Variants in NKAIN3 observed in about 807,000 individuals in gnomAD.
The protein encoded by NKAIN3 is sodium/potassium transporting ATPase interacting 3.
A neutral mutation model predicts 30.2 loss-of-function variants in NKAIN3; 25 were observed. The ratio of observed to expected loss-of-function variants is 0.83; its 90% CI spans 0.60 to 1.16. NKAIN3 has a LOEUF of 1.16. NKAIN3 is among the 50% of genes most tolerant of loss of function. The pLI is 0.00. For synonymous variants in NKAIN3, 91 were observed against 89.6 expected (o/e 1.02, Z -0.09); for missense variants, 225 against 254.1 (o/e 0.89, Z 0.78).
intron 1 of NKAIN3, among the ~76,000 whole-genome samples, chr8:62,275,492 T>C (rs868489470): frequency 6.6e-6 from 1 of 152,236 alleles, no homozygotes; most frequent in African/African-American, 2.4e-5. Context: ...ATGAGCCTAT[T>C]AAGCTGATTG....
intron 1 of NKAIN3, among the ~76,000 whole-genome samples, chr8:62,353,611 G>C (rs1354341755): frequency 2.0e-5 from 3 of 152,122 alleles, no homozygotes; most frequent in Non-Finnish European, 4.4e-5. Flanking sequence ...GGGCATTTTA[G>C]GAAGGCAGTA....
chr8:62,435,690 AAG>A (rs1373984455), intron 1 of NKAIN3, among the ~76,000 whole-genome samples: 1 of 152,204 alleles, frequency 6.6e-6, no homozygotes, highest in Non-Finnish European at 1.5e-5. Flanking sequence ...ATTGTTATCC[AAG>A]ATTATGAAGT....
intron 1 of NKAIN3, among the ~76,000 whole-genome samples, chr8:62,396,540 T>G (rs530288769): frequency 5.3e-5 from 8 of 152,352 alleles, no homozygotes; most frequent in African/African-American, 1.9e-4. Context: ...AAGATACCAA[T>G]GTGTTTATCA....
At chr8:62,909,754 A>C (rs1821880252) in intron 4 of NKAIN3, among the ~76,000 whole-genome samples, 1 of 152,178 alleles carries the variant, frequency 6.6e-6, no homozygotes, top group African/African-American at 2.4e-5. Flanking sequence ...ATAAGGCAAA[A>C]GTAAAAGGAA....
intron 1 of NKAIN3, among the ~76,000 whole-genome samples, chr8:62,470,574 A>G (rs1360929982): frequency 6.6e-6 from 1 of 152,142 alleles, no homozygotes. Flanking sequence ...CATTTTCACA[A>G]ACTCATGGAT....
chr8:62,495,300 G>GA (rs1457508198), intron 1 of NKAIN3, among the ~76,000 whole-genome samples: 2 of 151,844 alleles, frequency 1.3e-5, no homozygotes, highest in Non-Finnish European at 2.9e-5. Context: ...TAAATAGTCA[G>GA]AAAAAATGGT....
intron 3 of NKAIN3, among the ~76,000 whole-genome samples, chr8:62,655,631 G>A (rs1468510543): frequency 6.6e-6 from 1 of 152,114 alleles, no homozygotes; most frequent in Non-Finnish European, 1.5e-5. Context: ...CAACTATGTT[G>A]GTGATAGTCT....
chr8:62,667,138 G>A (rs191498957), intron 3 of NKAIN3, among the ~76,000 whole-genome samples: 2 of 120,948 alleles, frequency 1.7e-5, no homozygotes, highest in African/African-American at 3.1e-5. Context: ...TCACACACTC[G>A]GACCTGTTGT....
chr8:62,764,918 A>G (rs1377094591), intron 4 of NKAIN3, among the ~76,000 whole-genome samples: 1 of 152,172 alleles, frequency 6.6e-6, no homozygotes, highest in East Asian at 1.9e-4. Context: ...GGGGCTTTGG[A>G]AGATTATTCT....
intron 3 of NKAIN3, among the ~76,000 whole-genome samples, chr8:62,691,521 A>G (rs998913241): frequency 1.3e-5 from 2 of 152,200 alleles, no homozygotes; most frequent in Admixed American, 1.3e-4. Flanking sequence ...AATTTTTAAC[A>G]TAACTACAAT....
At chr8:62,261,334 G>A (rs1791334533) in intron 1 of NKAIN3, among the ~76,000 whole-genome samples, 1 of 151,862 alleles carries the variant, frequency 6.6e-6, no homozygotes, top group Non-Finnish European at 1.5e-5. Flanking sequence ...AAGTGTTCAT[G>A]CACATTGCAT....
intron 4 of NKAIN3, among the ~76,000 whole-genome samples, chr8:62,805,185 A>C (rs1032913668): frequency 8.6e-5 from 13 of 151,966 alleles, no homozygotes; most frequent in African/African-American, 3.1e-4. Context: ...TTCCATGCTC[A>C]TGGGTAGGAA....
chr8:62,585,058 G>A (rs1036349460), intron 2 of NKAIN3, among the ~76,000 whole-genome samples: 1 of 152,236 alleles, frequency 6.6e-6, no homozygotes, highest in African/African-American at 2.4e-5. Flanking sequence ...GAATGGACAG[G>A]GACTTTTTTA....
intron 1 of NKAIN3, among the ~76,000 whole-genome samples, chr8:62,562,186 A>T (rs1809605542): frequency 6.6e-6 from 1 of 152,172 alleles, no homozygotes; most frequent in South Asian, 2.1e-4. Flanking sequence ...AACCTTGAAA[A>T]TTAAGAGGCT....
At chr8:62,302,472 G>A (rs548577714) in intron 1 of NKAIN3, among the ~76,000 whole-genome samples, 1 of 152,118 alleles carries the variant, frequency 6.6e-6, no homozygotes, top group South Asian at 2.1e-4. Context: ...TTTGAAAGAT[G>A]TATCAATAAC....
At chr8:62,309,680 A>G (rs1250290157) in intron 1 of NKAIN3, among the ~76,000 whole-genome samples, 1 of 150,354 alleles carries the variant, frequency 6.7e-6, no homozygotes, top group East Asian at 1.9e-4. Flanking sequence ...TATGATTTTC[A>G]GTTGAATCTT....
chr8:62,503,078 A>T (rs1807513480), intron 1 of NKAIN3, among the ~76,000 whole-genome samples: 1 of 152,170 alleles, frequency 6.6e-6, no homozygotes, highest in Non-Finnish European at 1.5e-5. Flanking sequence ...CTCCTGTCAC[A>T]TCAGAAGTGG....
chr8:62,492,077 C>T (rs1056925770), intron 1 of NKAIN3, among the ~76,000 whole-genome samples: 1 of 152,050 alleles, frequency 6.6e-6, no homozygotes, highest in Non-Finnish European at 1.5e-5. Flanking sequence ...AGCTGGAATG[C>T]AATCCCTTGA....
At chr8:62,313,616 T>G (rs555489646) in intron 1 of NKAIN3, among the ~76,000 whole-genome samples, 1 of 152,284 alleles carries the variant, frequency 6.6e-6, no homozygotes, top group Non-Finnish European at 1.5e-5. Flanking sequence ...ATATTCCCTA[T>G]GGAAATAATA....
Sources: gnomAD v4.1 joint callset for allele counts (sites outside exome capture counted in the v4.1 genomes callset) on GRCh38, gnomAD v4.1.1 for gene constraint, MANE v1.5 for transcripts, NCBI Gene and HGNC (gene_info 2026-07-23, HGNC 2026-07-21) for gene names.